The following ZFAT variants were observed in gnomAD, a reference collection of about 807,000 sequenced individuals.
ZFAT encodes zinc finger protein ZFAT.
A neutral mutation model predicts 117.7 loss-of-function variants in ZFAT; 64 were observed. The observed-to-expected ratio is 0.54, with a 90% CI of 0.44 to 0.67. ZFAT has a LOEUF of 0.67. Ranked by LOEUF, ZFAT falls within the 30% of genes least tolerant of loss-of-function variation. ZFAT has a pLI of 0.00. For missense variants in ZFAT, 1,433 were observed against 1,584.5 expected, an observed-to-expected ratio of 0.90 and a Z score of 1.62; for synonymous variants, 679 against 615.0, an observed-to-expected ratio of 1.10 and a Z score of -1.54.
the ZFAT span, among the ~76,000 whole-genome samples, chr8:134,789,132 T>C: frequency 6.6e-6 from 1 of 152,332 alleles, no homozygotes; most frequent in African/African-American, 2.4e-5. Context: ...TTAAATGCTT[T>C]TGTCTCCATT....
intron 15 of ZFAT, among the ~76,000 whole-genome samples, chr8:134,484,062 C>T (rs550284553): frequency 6.6e-6 from 1 of 152,190 alleles, no homozygotes; most frequent in African/African-American, 2.4e-5. Flanking sequence ...TTTCTTCCCC[C>T]AACATTTAAG....
At chr8:134,663,448 C>T (rs549045707) in intron 1 of ZFAT, among the ~76,000 whole-genome samples, 1 of 152,286 alleles carries the variant, frequency 6.6e-6, no homozygotes, top group South Asian at 2.1e-4. Flanking sequence ...AAAATTTTCA[C>T]TGTGAAACTT....
At chr8:134,507,580 C>G (rs1430972999) in intron 15 of ZFAT, among the ~76,000 whole-genome samples, 1 of 152,216 alleles carries the variant, frequency 6.6e-6, no homozygotes, top group Non-Finnish European at 1.5e-5. Context: ...CTCCCGCAAA[C>G]ACATTTAGCT....
intron 12 of ZFAT, among the ~76,000 whole-genome samples, chr8:134,528,655 C>T (rs1026752330): frequency 3.9e-5 from 6 of 152,234 alleles, no homozygotes; most frequent in Non-Finnish European, 8.8e-5. Context: ...GCTTCCTCTT[C>T]CTCCAGTTAC....
intron 5 of ZFAT, among the ~76,000 whole-genome samples, chr8:134,606,202 G>T (rs748886221): frequency 2.0e-5 from 3 of 152,164 alleles, no homozygotes; most frequent in Non-Finnish European, 4.4e-5. Flanking sequence ...CCTCAGAGGT[G>T]GCAGGGCTAG....
chr8:134,713,045 T>G, upstream of ZFAT: 1 of 649,794 alleles, frequency 1.5e-6, no homozygotes, highest in South Asian at 3.5e-5. Context: ...GTCTTCGCCC[T>G]CCTCCCCACG....
the ZFAT span, among the ~76,000 whole-genome samples, chr8:134,752,944 A>G: frequency 1.5e-3 from 225 of 152,310 alleles, 3 homozygotes; most frequent in African/African-American, 4.5e-3. Context: ...GTGGGGGAAG[A>G]TATAATTCAG....
chr8:134,588,540 A>G, intron 8 of ZFAT, 145 bp from the exon 9 acceptor site: 3 of 878,280 alleles, frequency 3.4e-6, no homozygotes, highest in Non-Finnish European at 4.9e-6. Flanking sequence ...CCTAAAAAGT[A>G]AAACCAGAAC....
At chr8:134,713,104 C>G, upstream of ZFAT, 1 of 411,710 alleles carries the variant, frequency 2.4e-6, no homozygotes, top group Admixed American at 4.6e-5. Context: ...GACCCTCCCC[C>G]GGCGCCGAGC....
intron 1 of ZFAT, among the ~76,000 whole-genome samples, chr8:134,689,330 T>C (rs182980291): frequency 6.6e-6 from 1 of 152,350 alleles, no homozygotes; most frequent in East Asian, 1.9e-4. Context: ...GCCTACGGGG[T>C]AGCCCTGCTC....
At chr8:134,712,805 AC>A (rs1814071612) in intron 1 of ZFAT, 39 bp downstream of exon 1, 6 of 523,494 alleles carry the variant, frequency 1.1e-5, no homozygotes, top group Admixed American at 5.0e-5. Flanking sequence ...GCCGCGCCCC[AC>A]CCCCACCCCG....
At chr8:134,655,177 G>T (rs887551511) in intron 2 of ZFAT, among the ~76,000 whole-genome samples, 1 of 152,280 alleles carries the variant, frequency 6.6e-6, no homozygotes, top group South Asian at 2.1e-4. Flanking sequence ...TGAGAGGGAG[G>T]TGAATCTCCG....
At chr8:134,645,129 G>A (rs1046792066) in intron 2 of ZFAT, among the ~76,000 whole-genome samples, 31 of 152,086 alleles carry the variant, frequency 2.0e-4, no homozygotes, top group African/African-American at 7.2e-4. Context: ...CTTCCTACAT[G>A]AGCAAAAAAG....
At chr8:134,774,141 A>G in the ZFAT span, among the ~76,000 whole-genome samples, 1 of 151,774 alleles carries the variant, frequency 6.6e-6, no homozygotes, top group South Asian at 2.1e-4. Context: ...GATTTTAGGC[A>G]CACACCACCA....
intron 15 of ZFAT, among the ~76,000 whole-genome samples, chr8:134,487,016 G>A (rs918613828): frequency 3.3e-5 from 5 of 152,186 alleles, no homozygotes; most frequent in African/African-American, 1.2e-4. Flanking sequence ...ATATGGGTCT[G>A]TATGTGTCCA....
At chr8:134,788,343 T>G in the ZFAT span, among the ~76,000 whole-genome samples, 22 of 152,254 alleles carry the variant, frequency 1.4e-4, no homozygotes, top group Non-Finnish European at 2.6e-4. Context: ...TTGAAAATAT[T>G]TTTAAATTTG....
chr8:134,518,940 A>T (rs1488313559), intron 13 of ZFAT, among the ~76,000 whole-genome samples: 4 of 152,140 alleles, frequency 2.6e-5, no homozygotes, highest in Non-Finnish European at 5.9e-5. Context: ...CATCTTTATC[A>T]TATACTAAAT....
the ZFAT span, among the ~76,000 whole-genome samples, chr8:134,759,292 T>C: frequency 6.6e-6 from 1 of 152,148 alleles, no homozygotes; most frequent in South Asian, 2.1e-4. Flanking sequence ...CAGAAATCAT[T>C]AAGTGAGAGA....
At chr8:134,750,323 T>C in the ZFAT span, among the ~76,000 whole-genome samples, 2 of 29,838 alleles carry the variant, frequency 6.7e-5, no homozygotes, top group Non-Finnish European at 1.3e-4. Context: ...TTTTGTATAC[T>C]GGTATTTTTG....
Sources: allele counts gnomAD v4.1 joint callset (sites outside exome capture counted in the v4.1 genomes callset), GRCh38; gene constraint gnomAD v4.1.1; transcripts MANE v1.5; gene names NCBI Gene and HGNC (gene_info 2026-07-23, HGNC 2026-07-21).